The following MYRIP variants were observed in gnomAD, a reference collection of about 807,000 sequenced individuals.
MYRIP encodes the protein myosin VIIA and Rab interacting protein.
Under a neutral mutation model 98.0 loss-of-function variants are expected in MYRIP, and 49 were observed. That is an observed-to-expected ratio of 0.50 (90% CI 0.40 to 0.63). MYRIP has a LOEUF of 0.63. MYRIP is among the 30% of genes least tolerant of loss of function. MYRIP has a pLI of 0.00. For missense variants in MYRIP, 1,004 were observed against 1,058.2 expected, an observed-to-expected ratio of 0.95 and a Z score of 0.71; for synonymous variants, 404 against 409.5, an observed-to-expected ratio of 0.99 and a Z score of 0.16.
intron 12 of MYRIP, among the ~76,000 whole-genome samples, chr3:40,240,619 T>G (rs1444227700): frequency 6.6e-6 from 1 of 152,156 alleles, no homozygotes; most frequent in African/African-American, 2.4e-5. Flanking sequence ...ATTTGAGAAT[T>G]ATCTTGTCTC....
At chr3:40,151,404 G>A (rs1950116911) in intron 4 of MYRIP, among the ~76,000 whole-genome samples, 4 of 152,242 alleles carry the variant, frequency 2.6e-5, no homozygotes, top group Admixed American at 1.3e-4. Context: ...GAGCTTATAA[G>A]TTAGAAGCTA....
At chr3:40,002,058 G>A (rs2125786420) in intron 2 of MYRIP, among the ~76,000 whole-genome samples, 1 of 152,258 alleles carries the variant, frequency 6.6e-6, no homozygotes, top group Non-Finnish European at 1.5e-5. Flanking sequence ...TGGCTGGCAT[G>A]TCAGTTCCTC....
intron 1 of MYRIP, among the ~76,000 whole-genome samples, chr3:39,864,510 C>T (rs1255016884): frequency 6.6e-6 from 1 of 151,996 alleles, no homozygotes; most frequent in African/African-American, 2.4e-5. Context: ...CCAACAACAT[C>T]CAAGCTGAGA....
chr3:40,146,729 G>GCATGCACACACATACACATGAGCA (rs1950019726), intron 3 of MYRIP, among the ~76,000 whole-genome samples: 1 of 152,032 alleles, frequency 6.6e-6, no homozygotes, highest in Non-Finnish European at 1.5e-5. Context: ...ACACACACAT[G>GCATGCACACACATACACATGAGCA]CATGCACACA....
chr3:39,816,788 T>C (rs577010480), intron 1 of MYRIP, among the ~76,000 whole-genome samples: 6 of 152,346 alleles, frequency 3.9e-5, no homozygotes, highest in African/African-American at 1.2e-4. Flanking sequence ...AAATCACCTA[T>C]ATTCCCACCA....
chr3:39,995,921 C>A (rs1422113697), intron 2 of MYRIP, among the ~76,000 whole-genome samples: 1 of 152,180 alleles, frequency 6.6e-6, no homozygotes, highest in Admixed American at 6.5e-5. Flanking sequence ...AATTTCCTAT[C>A]CAGCCAAACT....
At chr3:39,926,424 A>C (rs572639138) in intron 2 of MYRIP, among the ~76,000 whole-genome samples, 58 of 152,230 alleles carry the variant, frequency 3.8e-4, no homozygotes, top group African/African-American at 1.2e-3. Flanking sequence ...CGATGTCTAG[A>C]ATGGTGTTTC....
intron 2 of MYRIP, among the ~76,000 whole-genome samples, chr3:39,998,209 A>C (rs1946418620): frequency 6.6e-6 from 1 of 152,218 alleles, no homozygotes; most frequent in Non-Finnish European, 1.5e-5. Flanking sequence ...GAAGGAAATA[A>C]AGGGTATGCA....
chr3:40,110,591 A>C (rs1423524622), intron 3 of MYRIP, among the ~76,000 whole-genome samples: 1 of 151,952 alleles, frequency 6.6e-6, no homozygotes, highest in Non-Finnish European at 1.5e-5. Context: ...GGGATACAAC[A>C]CCTCCCTTCC....
At chr3:40,126,557 G>A (rs1318252281) in intron 3 of MYRIP, among the ~76,000 whole-genome samples, 3 of 152,158 alleles carry the variant, frequency 2.0e-5, no homozygotes, top group Non-Finnish European at 2.9e-5. Flanking sequence ...ATGTGTTTAT[G>A]TCATTTAATC....
chr3:40,022,966 A>C (rs552124831), intron 2 of MYRIP, among the ~76,000 whole-genome samples: 2 of 152,306 alleles, frequency 1.3e-5, no homozygotes, highest in African/African-American at 4.8e-5. Context: ...AGGCAGTGAC[A>C]ATTCCTATGA....
intron 4 of MYRIP, among the ~76,000 whole-genome samples, chr3:40,154,002 T>C (rs1181798251): frequency 6.6e-6 from 1 of 152,006 alleles, no homozygotes; most frequent in Non-Finnish European, 1.5e-5. Flanking sequence ...TAGCTGGGCA[T>C]GGTGGCACTC....
chr3:40,179,485 C>T (rs1008806631), intron 8 of MYRIP, among the ~76,000 whole-genome samples: 1 of 152,166 alleles, frequency 6.6e-6, no homozygotes, highest in Non-Finnish European at 1.5e-5. Flanking sequence ...CATATACACA[C>T]AAGTCTGAGC....
At chr3:40,021,297 T>C (rs1391362826) in intron 2 of MYRIP, among the ~76,000 whole-genome samples, 1 of 152,174 alleles carries the variant, frequency 6.6e-6, no homozygotes, top group African/African-American at 2.4e-5. Flanking sequence ...ATCAGAGGGG[T>C]AGCTGGCTTA....
chr3:39,817,371 C>T (rs150790865), intron 1 of MYRIP, among the ~76,000 whole-genome samples: 14 of 152,174 alleles, frequency 9.2e-5, no homozygotes, highest in Non-Finnish European at 1.8e-4. Flanking sequence ...TTGTCAGAAA[C>T]GTCAAATGCT....
intron 3 of MYRIP, among the ~76,000 whole-genome samples, chr3:40,102,715 T>A (rs1400954233): frequency 6.6e-6 from 1 of 151,978 alleles, no homozygotes; most frequent in African/African-American, 2.4e-5. Flanking sequence ...ACCTCTGGCA[T>A]CTCAGAGTTA....
chr3:40,196,239 C>T (rs1951389796), intron 10 of MYRIP, among the ~76,000 whole-genome samples: 1 of 151,834 alleles, frequency 6.6e-6, no homozygotes, highest in East Asian at 1.9e-4. Context: ...GCTTCCTAGT[C>T]TGTTAATTTC....
intron 3 of MYRIP, among the ~76,000 whole-genome samples, chr3:40,117,581 C>A (rs1040369934): frequency 6.6e-6 from 1 of 152,142 alleles, no homozygotes; most frequent in African/African-American, 2.4e-5. Context: ...AATATTGGCA[C>A]AACTAAGAAA....
intron 2 of MYRIP, among the ~76,000 whole-genome samples, chr3:39,989,634 T>C (rs948101511): frequency 1.1e-4 from 16 of 151,238 alleles, no homozygotes; most frequent in Admixed American, 7.9e-4. Context: ...ATAAGTCTAC[T>C]GGTCTGCAGA....
Sources: gnomAD v4.1 joint callset for allele counts (sites outside exome capture counted in the v4.1 genomes callset) on GRCh38, gnomAD v4.1.1 for gene constraint, MANE v1.5 for transcripts, NCBI Gene and HGNC (gene_info 2026-07-23, HGNC 2026-07-21) for gene names.